The following MTBP variants were observed in gnomAD, a reference collection of about 807,000 sequenced individuals.
MTBP encodes mdm2-binding protein.
In MTBP, 101 loss-of-function variants were observed where a neutral mutation model predicts 117.0. The observed-to-expected ratio is 0.86, with a 90% CI of 0.73 to 1.02. The LOEUF is 1.02. Ranked by LOEUF, MTBP falls within the 50% of genes least tolerant of loss-of-function variation. The pLI, the probability that MTBP is intolerant of heterozygous loss-of-function variation, is 0.00. For missense variants in MTBP, 970 were observed against 1,030.9 expected, an observed-to-expected ratio of 0.94 and a Z score of 0.81; for synonymous variants, 350 against 351.5, an observed-to-expected ratio of 1.00 and a Z score of 0.05.
intron 11 of MTBP, among the ~76,000 whole-genome samples, chr8:120,482,511 T>C (rs1266860583): frequency 6.6e-6 from 1 of 152,176 alleles, no homozygotes; most frequent in African/African-American, 2.4e-5. Flanking sequence ...ATGGCTTCTC[T>C]ATTCATTGTA....
chr8:120,461,188 G>T lies in MTBP; in HGVS notation c.910G>T (p.Glu304Ter). The change falls in exon 9 of 22, where the codon GAA becomes TAA. Residue 304 changes from glutamate to a stop codon, truncating the protein, a stop_gained. Transcript: ENST00000305949. LOFTEE classifies it high-confidence loss of function. ...TTTCCATTATTATGGCCCTGCTTTA[G>T]AATTTGTGCAGATGATAAAATTATC... Reference protein sequence around the residue: ...KVFHYYGPALEFVQMIKLSDL... With the variant: ...KVFHYYGPAL The T allele has an allele frequency of 6.2e-7, 1 of 1,603,054 alleles. No individual in the cohort carries two copies. Among genetic ancestry groups the T allele is most frequent in the Non-Finnish European group, 8.5e-7 (1 of 1,171,064 alleles).
At chr8:120,510,477 G>A (rs1388189720) in intron 17 of MTBP, among the ~76,000 whole-genome samples, 1 of 152,046 alleles carries the variant, frequency 6.6e-6, no homozygotes, top group Non-Finnish European at 1.5e-5. Context: ...AAGAGCCTAG[G>A]AGGATATCAA....
chr8:120,520,272 G>A (rs1372449496), intron 20 of MTBP, among the ~76,000 whole-genome samples: 2 of 151,906 alleles, frequency 1.3e-5, no homozygotes, highest in Non-Finnish European at 2.9e-5. Context: ...TCCAAAAAAA[G>A]CATAAAACAT....
At chr8:120,514,330 T>G (rs1389663143) in intron 17 of MTBP, among the ~76,000 whole-genome samples, 1 of 151,978 alleles carries the variant, frequency 6.6e-6, no homozygotes, top group Non-Finnish European at 1.5e-5. Flanking sequence ...CCTACATAAC[T>G]CTGCAACTTT....
intron 13 of MTBP, among the ~76,000 whole-genome samples, chr8:120,493,379 AT>A (rs1814386832): frequency 6.6e-6 from 1 of 152,158 alleles, no homozygotes; most frequent in Non-Finnish European, 1.5e-5. Context: ...GTCAATATGG[AT>A]TCTTACTCTC....
At chr8:120,456,176 C>T (rs1813464449) in intron 6 of MTBP, among the ~76,000 whole-genome samples, 1 of 152,152 alleles carries the variant, frequency 6.6e-6, no homozygotes, top group South Asian at 2.1e-4. Context: ...GTGGTAAGTG[C>T]GTTACAGAAT....
chr8:120,517,840 C>T lies in MTBP; in HGVS notation c.2247-11C>T. The stretch of plus-strand genomic sequence containing the variant: ...AATCTACGTTCTTGATTTTTTTCCC[C>T]TGCTATATAGACTTGTGAAATCTGA... On this transcript the variant is annotated splice_polypyrimidine_tract_variant and intron_variant, in intron 18 of 21. Transcript: ENST00000305949. The T allele has an allele frequency of 1.2e-6, 2 of 1,601,332 alleles. No homozygotes were observed. The highest frequency in any genetic ancestry group is 4.5e-5 in the East Asian group (2 of 44,722).
intron 8 of MTBP, among the ~76,000 whole-genome samples, 182 bp downstream of exon 8, chr8:120,459,531 T>C (rs1813541175): frequency 6.6e-6 from 1 of 152,198 alleles, no homozygotes; most frequent in South Asian, 2.1e-4. Flanking sequence ...GGTGAAAGTG[T>C]CATTGTTTTA....
chr8:120,492,059 A>G (rs1299173739), intron 13 of MTBP, among the ~76,000 whole-genome samples: 1 of 152,226 alleles, frequency 6.6e-6, no homozygotes, highest in Non-Finnish European at 1.5e-5. Flanking sequence ...TAGACTGGGC[A>G]AAGAGTAAGG....
intron 13 of MTBP, 63 bp downstream of exon 13, chr8:120,490,633 A>G (rs2130584400): frequency 1.0e-6 from 1 of 1,001,662 alleles, no homozygotes; most frequent in African/African-American, 1.6e-5. Context: ...GACATAAGCT[A>G]CCTTTATTTG....
At position 120,502,628 on chromosome 8, in the gene MTBP, G is replaced by A. The variant is rs770621883; in HGVS notation, c.1727+19G>A. The stretch of plus-strand genomic sequence containing the variant: ...AAATGAGGTAATATTTGAATCTGTA[G>A]TAAAGCATGTGATAGCTCAGTAATT... On this transcript the variant is annotated intron_variant, in intron 15 of 21. Transcript: ENST00000305949. 3.9e-5 allele frequency: 56 copies of A among 1,427,080 alleles called. No homozygotes were observed. The African/African-American group carries it at 8.0e-4, about 20-fold the overall frequency. 88.4% of individuals were successfully genotyped at this position (1,427,080 alleles called of 1,614,324 possible).
intron 14 of MTBP, among the ~76,000 whole-genome samples, chr8:120,501,884 G>A (rs1190289184): frequency 6.6e-6 from 1 of 152,092 alleles, no homozygotes; most frequent in Admixed American, 6.5e-5. Flanking sequence ...ATAGTTCACT[G>A]CAGTGTATTA....
Position 120,463,734 on chromosome 8 carries a change from G to T in MTBP, c.1020G>T (p.Leu340Phe). Residue 340 changes from leucine to phenylalanine, a missense_variant, in exon 10 of 22, where the codon TTG becomes TTT. Physicochemically the swap from Leu to Phe is conservative, Grantham distance 22. Coordinates refer to ENST00000305949, the MANE Select transcript of MTBP (RefSeq NM_022045.5). ...CCAAACAGAATTCTGTGTTGCTGTT[G>T]GAGCAGATTTCTTCTCTGTGTAGCA... ...NSTKQNSVLL[L>F]EQISSLCSKV... 6.2e-7 allele frequency: 1 copy of T among 1,611,900 alleles called. No homozygotes were observed. The highest frequency in any genetic ancestry group is 8.5e-7 in the Non-Finnish European group (1 of 1,178,654).
In MTBP at chr8:120,458,072, G is replaced by A. The variant is rs139087622; in HGVS notation, c.748-1143G>A. Among the ~76,000 whole-genome samples, 86 of 152,204 alleles carry A rather than the reference G, an allele frequency of 5.7e-4. No homozygotes were observed. The East Asian group carries it at 9.3e-3, about 16-fold the overall frequency. ...GCTTACATACAGAGAGATAATGGCAGAGTTCTTTTCATGTGATTCTTTTAT... is the reference window on the plus strand; with the variant it reads ...GCTTACATACAGAGAGATAATGGCAAAGTTCTTTTCATGTGATTCTTTTAT... On this transcript the variant is annotated intron_variant, in intron 7 of 21. Coordinates refer to ENST00000305949, the MANE Select transcript of MTBP (RefSeq NM_022045.5).
intron 13 of MTBP, 169 bp downstream of exon 13, chr8:120,490,739 C>G (rs923767535): frequency 1.5e-5 from 7 of 479,732 alleles, no homozygotes; most frequent in Non-Finnish European, 2.5e-5. Flanking sequence ...GATATTTTCA[C>G]TAGATTCAGA....
chr8:120,450,062 A>C (rs991653359), intron 2 of MTBP, among the ~76,000 whole-genome samples: 6 of 152,174 alleles, frequency 3.9e-5, no homozygotes, highest in Non-Finnish European at 8.8e-5. Flanking sequence ...TTTGAGAAAC[A>C]CTTGTGTGTA....
intron 11 of MTBP, among the ~76,000 whole-genome samples, chr8:120,481,294 G>A (rs1218834224): frequency 1.3e-5 from 2 of 152,164 alleles, no homozygotes; most frequent in Non-Finnish European, 2.9e-5. Context: ...GCACTTGGCT[G>A]TACAACCCAG....
chr8:120,472,867 C>T lies in MTBP; in HGVS notation c.1165+1930C>T, dbSNP rs564794556. 3.9e-5 allele frequency: 6 copies of T among 152,208 alleles called. 1 individual carries two copies. The highest frequency in any genetic ancestry group is 1.2e-4 in the African/African-American group (5 of 41,536). The allele number at this position is 152,208 out of a possible 1,614,324, so 9.4% of individuals were successfully genotyped here. A position where few individuals can be genotyped will look rare whatever the true frequency, so the allele number is the denominator to read the frequency against. Reference sequence around the variant, plus strand: ...AATGTAAAAAGTCTACCATAGGTGCCTGTAAGTTAGGAATGTAGAATGTTA... The same window carrying T: ...AATGTAAAAAGTCTACCATAGGTGCTTGTAAGTTAGGAATGTAGAATGTTA... On this transcript the variant is annotated intron_variant, in intron 11 of 21. Coordinates refer to ENST00000305949, the MANE Select transcript of MTBP (RefSeq NM_022045.5).
At position 120,506,888 on chromosome 8, in the gene MTBP, T is replaced by C. The variant is rs1334333310; in HGVS notation, c.1883+27T>C. ...TAGGTTATAAACTTATAATTTCCAG[T>C]TAACTTTTTAAAAATTACTTTTAAA... On this transcript the variant is annotated intron_variant, in intron 16 of 21. Transcript: ENST00000305949. The C allele has an allele frequency of 6.5e-6, 10 of 1,534,688 alleles. No homozygotes were observed. In the African/African-American group the frequency reaches 1.3e-4, roughly 19 times the overall value.
Sources: allele counts gnomAD v4.1 joint callset (sites outside exome capture counted in the v4.1 genomes callset), GRCh38; gene constraint gnomAD v4.1.1; transcripts MANE v1.5; gene names NCBI Gene and HGNC (gene_info 2026-07-23, HGNC 2026-07-21).